The following TBPL2 variants were observed in gnomAD, a reference collection of about 807,000 sequenced individuals.
The protein encoded by TBPL2 is TATA-box binding protein like 2, also known as TATA box-binding protein-like 2.
TBPL2 carries 40 observed loss-of-function variants against 38.2 expected under a neutral mutation model. The ratio of observed to expected loss-of-function variants is 1.05; its 90% CI spans 0.81 to 1.36. TBPL2 has a LOEUF of 1.36. Ranked by LOEUF, TBPL2 falls within the 40% of genes most tolerant of loss-of-function variation. The probability of loss-of-function intolerance (pLI) is 0.00; values close to 1 mark genes in which losing one functional copy is unlikely to be tolerated. For missense variants in TBPL2, 461 were observed against 456.7 expected (o/e 1.01, Z -0.09); for synonymous variants, 169 against 171.7 (o/e 0.98, Z 0.12).
intron 4 of TBPL2, among the ~76,000 whole-genome samples, chr14:55,431,902 A>G (rs1885934009): frequency 6.6e-6 from 1 of 152,224 alleles, no homozygotes; most frequent in African/African-American, 2.4e-5. Flanking sequence ...CAGATATAGA[A>G]CATTTCCATC....
chr14:55,421,785 A>T (rs893213073), intron 6 of TBPL2, among the ~76,000 whole-genome samples: 1 of 152,182 alleles, frequency 6.6e-6, no homozygotes, highest in African/African-American at 2.4e-5. Context: ...TTGAAGACAC[A>T]TTAATTATTT....
chr14:55,416,505 A>C (rs1885671937), intron 6 of TBPL2, among the ~76,000 whole-genome samples: 1 of 152,246 alleles, frequency 6.6e-6, no homozygotes, highest in South Asian at 2.1e-4. Context: ...AAAGTTTACT[A>C]TCTGTAGGTC....
chr14:55,431,004 A>G (rs1885916393), intron 4 of TBPL2, among the ~76,000 whole-genome samples: 2 of 152,350 alleles, frequency 1.3e-5, no homozygotes, highest in South Asian at 4.1e-4. Flanking sequence ...GTCTATATAC[A>G]TGTTCATTGT....
chr14:55,431,972 C>A (rs1353911667), intron 4 of TBPL2, among the ~76,000 whole-genome samples: 1 of 151,898 alleles, frequency 6.6e-6, no homozygotes, highest in Non-Finnish European at 1.5e-5. Flanking sequence ...CAAAGCAGGA[C>A]CTGAAAAAGA....
chr14:55,424,521 T>C (rs930900295), intron 5 of TBPL2, among the ~76,000 whole-genome samples: 2 of 152,240 alleles, frequency 1.3e-5, no homozygotes, highest in African/African-American at 4.8e-5. Context: ...TTAGGGCATC[T>C]GATTTAGTGT....
chr14:55,417,857 G>C (rs1885690539), intron 6 of TBPL2, among the ~76,000 whole-genome samples: 1 of 152,182 alleles, frequency 6.6e-6, no homozygotes, highest in African/African-American at 2.4e-5. Flanking sequence ...GTGCACTAGA[G>C]AAAGGACTGG....
At chr14:55,430,589 T>C (rs1053087550) in intron 4 of TBPL2, among the ~76,000 whole-genome samples, 3 of 151,966 alleles carry the variant, frequency 2.0e-5, no homozygotes, top group Admixed American at 1.3e-4. Context: ...AGAGACAGGG[T>C]CTTGCTGTCT....
exon 7 of TBPL2, chr14:55,414,433 G>T: frequency 6.2e-7 from 1 of 1,607,810 alleles, no homozygotes; most frequent in South Asian, 1.1e-5. Context: ...ATGCTTCATA[G>T]ATCTCAGAAC....
chr14:55,425,786 C>T (rs145353720), intron 5 of TBPL2, among the ~76,000 whole-genome samples: 1 of 152,294 alleles, frequency 6.6e-6, no homozygotes, highest in African/African-American at 2.4e-5. Flanking sequence ...AAGGGCCTTA[C>T]CTTCACAGTC....
intron 6 of TBPL2, among the ~76,000 whole-genome samples, chr14:55,416,654 C>G (rs889659034): frequency 2.0e-5 from 3 of 152,022 alleles, no homozygotes; most frequent in African/African-American, 7.3e-5. Context: ...TCTACAAAAC[C>G]AAACTCTTTA....
exon 1 of TBPL2, chr14:55,440,600 G>C (rs1886097293): frequency 3.3e-6 from 5 of 1,514,502 alleles, no homozygotes; most frequent in African/African-American, 2.8e-5. Flanking sequence ...TTCCTGCAGA[G>C]GGCGCGAGAG....
intron 2 of TBPL2, 123 bp downstream of exon 2, chr14:55,436,438 A>G (rs776529167): frequency 3.2e-6 from 3 of 930,002 alleles, no homozygotes; most frequent in Non-Finnish European, 4.8e-6. Context: ...GAACTGATAA[A>G]ACAAAGAATT....
In TBPL2 at chr14:55,433,313, T is replaced by C. The variant is rs1885962312; in HGVS notation, c.788+317A>G. Reference sequence around the variant, plus strand: ...CCAGCTACTTTTTAGATTTCTCTTTTTTTTTTTTTTTTTTTTTTTAACAGA... The same window carrying C: ...CCAGCTACTTTTTAGATTTCTCTTTCTTTTTTTTTTTTTTTTTTTAACAGA... On this transcript the variant is annotated intron_variant, in intron 4 of 6. Transcript: ENST00000247219. Among the ~76,000 whole-genome samples, 4 of 107,270 alleles carry C rather than the reference T, an allele frequency of 3.7e-5. 1 individual carries two copies. The highest frequency in any genetic ancestry group is 4.3e-3 in the Middle Eastern group (1 of 230). The allele number at this position is 107,270 out of a possible 152,430, so 70.4% of individuals were successfully genotyped here.
chr14:55,427,284 T>C (rs1010510722), intron 5 of TBPL2, among the ~76,000 whole-genome samples: 3 of 151,688 alleles, frequency 2.0e-5, no homozygotes, highest in Non-Finnish European at 4.4e-5. Flanking sequence ...TAGCATACAG[T>C]GAAAAAACTG....
At chr14:55,427,865 A>C (rs1885851858) in intron 5 of TBPL2, among the ~76,000 whole-genome samples, 1 of 150,912 alleles carries the variant, frequency 6.6e-6, no homozygotes, top group Non-Finnish European at 1.5e-5. Flanking sequence ...ATAGGGGACA[A>C]ACTAGTTAGG....
At chr14:55,416,166 G>A (rs766455932) in intron 6 of TBPL2, among the ~76,000 whole-genome samples, 3 of 152,120 alleles carry the variant, frequency 2.0e-5, no homozygotes, top group Non-Finnish European at 4.4e-5. Context: ...AGGTAGAGCC[G>A]GTGGTATATT....
At chr14:55,430,063 C>T (rs1885900899) in intron 4 of TBPL2, among the ~76,000 whole-genome samples, 1 of 152,154 alleles carries the variant, frequency 6.6e-6, no homozygotes, top group Admixed American at 6.5e-5. Context: ...TGTCCTGCTG[C>T]ACCCCTAAAT....
exon 4 of TBPL2, chr14:55,433,701 C>T: frequency 1.2e-6 from 2 of 1,614,050 alleles, no homozygotes; most frequent in Non-Finnish European, 1.7e-6. Flanking sequence ...CTCGGATCCT[C>T]ATTATGACAG....
chr14:55,419,904 T>G (rs921853594), intron 6 of TBPL2, among the ~76,000 whole-genome samples: 1 of 152,226 alleles, frequency 6.6e-6, no homozygotes, highest in African/African-American at 2.4e-5. Context: ...TTACCATTAT[T>G]GAGATACTGC....
Sources: gnomAD v4.1 joint callset for allele counts (sites outside exome capture counted in the v4.1 genomes callset) on GRCh38, gnomAD v4.1.1 for gene constraint, MANE v1.5 for transcripts, NCBI Gene and HGNC (gene_info 2026-07-23, HGNC 2026-07-21) for gene names.